The following MGAT5 variants were observed in gnomAD, a reference collection of about 807,000 sequenced individuals.
MGAT5 encodes the protein alpha-1,6-mannosylglycoprotein 6-beta-N-acetylglucosaminyltransferase A.
Under a neutral mutation model 94.3 loss-of-function variants are expected in MGAT5, and 30 were observed. The ratio of observed to expected loss-of-function variants is 0.32; its 90% confidence interval spans 0.24 to 0.43. The LOEUF (loss-of-function observed/expected upper bound fraction) is 0.43, where lower values mean the gene tolerates loss of function less well. Ranked by LOEUF, MGAT5 falls within the 20% of genes least tolerant of loss-of-function variation. The pLI is 1.00. For synonymous variants in MGAT5, 310 were observed against 322.9 expected (o/e 0.96, Z 0.43); for missense variants, 691 against 905.5 (o/e 0.76, Z 3.04).
At chr2:134,235,088 T>C (rs942015487) in intron 1 of MGAT5, among the ~76,000 whole-genome samples, 15 of 152,154 alleles carry the variant, frequency 9.9e-5, no homozygotes, top group Non-Finnish European at 1.5e-4. Flanking sequence ...AAGATCTAGC[T>C]AACCCAGGCT....
chr2:134,265,705 A>G (rs755689617), intron 1 of MGAT5, among the ~76,000 whole-genome samples: 30 of 152,240 alleles, frequency 2.0e-4, no homozygotes, highest in Non-Finnish European at 2.5e-4. Flanking sequence ...AAAGCTCATT[A>G]GTAATTGAAA....
chr2:134,413,422 C>T (rs1574048227), intron 12 of MGAT5, among the ~76,000 whole-genome samples: 1 of 152,144 alleles, frequency 6.6e-6, no homozygotes, highest in East Asian at 1.9e-4. Context: ...AGCCATCAGC[C>T]TCAGGATACC....
chr2:134,281,370 G>A (rs1684683877), intron 2 of MGAT5, among the ~76,000 whole-genome samples: 1 of 152,168 alleles, frequency 6.6e-6, no homozygotes, highest in Non-Finnish European at 1.5e-5. Flanking sequence ...AAATGCAGCT[G>A]GGTAGGAAAC....
At position 134,336,413 on chromosome 2, in the gene MGAT5, A is replaced by G. The variant is rs537129094; in HGVS notation, c.645+125A>G. The G allele has an allele frequency of 2.5e-5, 19 of 751,172 alleles. No homozygotes were observed. The South Asian group carries it at 2.8e-4, about 11-fold the overall frequency. The allele number at this position is 751,172 out of a possible 1,614,324, so 46.5% of individuals were successfully genotyped here. On this transcript the variant is annotated intron_variant, in intron 5 of 15. Coordinates refer to ENST00000281923, the MANE Select transcript of MGAT5 (RefSeq NM_002410.5). ...TAGTGTTACACTGAAAAACTTCTGTATTCGTCTCTGTGGAAGTCTAAGTGA... is the reference window on the plus strand; with the variant it reads ...TAGTGTTACACTGAAAAACTTCTGTGTTCGTCTCTGTGGAAGTCTAAGTGA...
At chr2:134,125,509 G>C (rs929799007) in intron 1 of MGAT5, among the ~76,000 whole-genome samples, 18 of 152,184 alleles carry the variant, frequency 1.2e-4, no homozygotes, top group African/African-American at 4.3e-4. Context: ...TGAGGTCACC[G>C]AGGTGCAGAG....
In MGAT5 at chr2:134,134,699, G is replaced by C. The variant is rs186360621; in HGVS notation, c.-143+14408G>C. ...TTATTGGGGGCATATCAGCAATTTGGGGGGGCAATTTTGATTGTCAGTGAT... is the reference window on the plus strand; with the variant it reads ...TTATTGGGGGCATATCAGCAATTTGCGGGGGCAATTTTGATTGTCAGTGAT... On this transcript the variant is annotated intron_variant, in intron 1 of 16. Transcript: ENST00000409645. Among the ~76,000 whole-genome samples, 144 of 152,236 alleles carry C rather than the reference G, an allele frequency of 9.5e-4. 2 individuals carry two copies. Among genetic ancestry groups the C allele is most frequent in the Middle Eastern group, 3.4e-3 (1 of 294 alleles).
At chr2:134,158,210 C>T (rs936130375) in intron 1 of MGAT5, among the ~76,000 whole-genome samples, 1 of 152,208 alleles carries the variant, frequency 6.6e-6, no homozygotes, top group Non-Finnish European at 1.5e-5. Flanking sequence ...CCATCCCTGG[C>T]GTGAAGGTGG....
intron 1 of MGAT5, among the ~76,000 whole-genome samples, chr2:134,261,844 T>G (rs1558741196): frequency 6.6e-6 from 1 of 152,218 alleles, no homozygotes; most frequent in Non-Finnish European, 1.5e-5. Context: ...TCTGTGATGC[T>G]CTGTGTGGTA....
Position 134,454,021 on chromosome 2 carries a change from T to C in MGAT5, c.*5174T>C, listed in dbSNP as rs1558904347. Reference sequence around the variant, plus strand: ...CTGTTCCGCCAAATCAGCAGTCTCGTCCTGTGGATGCAGTGACTGGAATTT... The same window carrying C: ...CTGTTCCGCCAAATCAGCAGTCTCGCCCTGTGGATGCAGTGACTGGAATTT... On this transcript the variant is annotated 3_prime_UTR_variant, in exon 16 of 16. Transcript: ENST00000281923. The C allele has an allele frequency of 2.6e-5, 4 of 152,212 alleles. No homozygotes were observed. The highest frequency in any genetic ancestry group is 6.5e-5 in the Admixed American group (1 of 15,280). The allele number at this position is 152,212 out of a possible 1,614,324, so 9.4% of individuals were successfully genotyped here.
intron 10 of MGAT5, among the ~76,000 whole-genome samples, chr2:134,392,550 C>T (rs960670558): frequency 6.6e-6 from 1 of 152,074 alleles, no homozygotes; most frequent in Non-Finnish European, 1.5e-5. Context: ...TTGGTGGGAG[C>T]AGGGGAAGGA....
chr2:134,448,927 G>C lies in MGAT5; in HGVS notation c.*80G>C. The C allele has an allele frequency of 7.0e-7, 1 of 1,420,738 alleles. No homozygotes were observed. The highest frequency in any genetic ancestry group is 1.2e-5 in the South Asian group (1 of 81,706). The allele number at this position is 1,420,738 out of a possible 1,614,324, so 88.0% of individuals were successfully genotyped here. ...CCGTCAGGCAGGGCCAGGGACAGAAGTCATGCAGGGACTCTGGCAAGAGCC... is the reference window on the plus strand; with the variant it reads ...CCGTCAGGCAGGGCCAGGGACAGAACTCATGCAGGGACTCTGGCAAGAGCC... On this transcript the variant is annotated 3_prime_UTR_variant, in exon 16 of 16. Transcript: ENST00000281923.
rs1224662789 is a variant in MGAT5 at position 134,209,174 on chromosome 2, T to A, written c.-142-45088T>A. On this transcript the variant is annotated intron_variant, in intron 1 of 16. Transcript: ENST00000409645. ...TTTATTTTTTTTTTTTTTTTTATTTTTTTTTTTATTTTTTAATTATTATTA... is the reference window on the plus strand; with the variant it reads ...TTTATTTTTTTTTTTTTTTTTATTTATTTTTTTATTTTTTAATTATTATTA... Among the ~76,000 whole-genome samples, 25 of 65,782 alleles carry A rather than the reference T, an allele frequency of 3.8e-4. 6 individuals are homozygous for A. The East Asian group carries it at 4.2e-3, about 11-fold the overall frequency. 43.2% of individuals were successfully genotyped at this position (65,782 alleles called of 152,430 possible). A position where few individuals can be genotyped will look rare whatever the true frequency, so the allele number is the denominator to read the frequency against.
At chr2:134,304,367 T>C (rs1686207851) in intron 2 of MGAT5, among the ~76,000 whole-genome samples, 1 of 152,132 alleles carries the variant, frequency 6.6e-6, no homozygotes, top group African/African-American at 2.4e-5. Flanking sequence ...GGATGGTGAA[T>C]GGGTTTTCAG....
intron 1 of MGAT5, among the ~76,000 whole-genome samples, chr2:134,154,206 CG>C (rs376569790): frequency 4.6e-5 from 7 of 152,260 alleles, no homozygotes; most frequent in African/African-American, 1.7e-4. Context: ...GGTCAGGGAA[CG>C]GATGGCACGC....
In MGAT5 at chr2:134,453,594, A is replaced by G. The variant is rs1037742377; in HGVS notation, c.*4747A>G. The G allele has an allele frequency of 1.3e-5, 2 of 152,208 alleles. No individual in the cohort carries two copies. The highest frequency in any genetic ancestry group is 4.8e-5 in the African/African-American group (2 of 41,446). 9.4% of individuals were successfully genotyped at this position (152,208 alleles called of 1,614,324 possible). On this transcript the variant is annotated 3_prime_UTR_variant, in exon 16 of 16. Transcript: ENST00000281923. The stretch of plus-strand genomic sequence containing the variant: ...AATTGAACTTACACATTCCCCAGGC[A>G]GGTCCCTTTGCCGGCCCCTACAGGC...
Position 134,254,328 on chromosome 2 carries a change from A to G in MGAT5, c.-76A>G. The G allele has an allele frequency of 3.2e-6, 5 of 1,558,076 alleles. No homozygotes were observed. Among genetic ancestry groups the G allele is most frequent in the African/African-American group, 1.4e-5 (1 of 73,684 alleles). On this transcript the variant is annotated 5_prime_UTR_variant, in exon 1 of 16. Coordinates refer to ENST00000281923, the MANE Select transcript of MGAT5 (RefSeq NM_002410.5). ...CAGAGTGAGACCAGCAGACTCTCAC[A>G]CTCAACCTACACCATGAATTTGTGT...
chr2:134,333,991 T>C (rs1428501447), intron 4 of MGAT5, among the ~76,000 whole-genome samples: 1 of 151,890 alleles, frequency 6.6e-6, no homozygotes, highest in Non-Finnish European at 1.5e-5. Context: ...AAAAACAACC[T>C]TAAAAACCCA....
chr2:134,281,321 A>T (rs776268928), intron 2 of MGAT5, among the ~76,000 whole-genome samples: 1 of 152,170 alleles, frequency 6.6e-6, no homozygotes, highest in Non-Finnish European at 1.5e-5. Flanking sequence ...TATCCAACCT[A>T]TGCGGACAGC....
chr2:134,299,524 C>T (rs1464041618), intron 2 of MGAT5, among the ~76,000 whole-genome samples: 1 of 152,050 alleles, frequency 6.6e-6, no homozygotes, highest in Non-Finnish European at 1.5e-5. Flanking sequence ...GGTTTTGTAG[C>T]TTTTTTGTTT....
Sources: gnomAD v4.1 joint callset for allele counts (sites outside exome capture counted in the v4.1 genomes callset) on GRCh38, gnomAD v4.1.1 for gene constraint, MANE v1.5 for transcripts, NCBI Gene and HGNC (gene_info 2026-07-23, HGNC 2026-07-21) for gene names.